The following ATP6V0A4 variants were observed in gnomAD, a reference collection of about 807,000 sequenced individuals.
ATP6V0A4 encodes the protein ATPase H+ transporting V0 subunit a4.
ATP6V0A4 carries 86 observed loss-of-function variants against 107.3 expected under a neutral mutation model. The ratio of observed to expected loss-of-function variants is 0.80; its 90% CI spans 0.67 to 0.96. The LOEUF (loss-of-function observed/expected upper bound fraction) is 0.96. Among genes scored for constraint, ATP6V0A4 ranks in the 40% least tolerant of loss-of-function variants. The pLI is 0.00. For missense variants in ATP6V0A4, 908 were observed against 1,045.6 expected (o/e 0.87, Z 1.81); for synonymous variants, 353 against 381.4 (o/e 0.93, Z 0.87).
At chr7:138,709,825 T>C (rs199999981) in intron 20 of ATP6V0A4, 30 bp from the exon 21 acceptor site, 11 of 1,611,184 alleles carry the variant, frequency 6.8e-6, no homozygotes, top group Non-Finnish European at 2.5e-6. Flanking sequence ...ACTGGGATTA[T>C]CTTGTAAATG....
Position 138,720,971 on chromosome 7 carries a change from A to G in ATP6V0A4, c.2139+926T>C, listed in dbSNP as rs1040056776. ...AAACTTTTTAAAATAAGCAATTAAC[A>G]CCACAAATGGAGCCATTTATAGCAT... On this transcript the variant is annotated intron_variant, in intron 19 of 21. Coordinates refer to ENST00000310018, the MANE Select transcript of ATP6V0A4 (RefSeq NM_020632.3). 7.2e-5 allele frequency among the ~76,000 whole-genome samples: 11 copies of G among 152,250 alleles called. No homozygotes were observed. In the South Asian group the frequency reaches 2.3e-3, roughly 32 times the overall value.
intron 1 of ATP6V0A4, among the ~76,000 whole-genome samples, chr7:138,788,196 C>A (rs574008736): frequency 6.6e-6 from 1 of 152,278 alleles, no homozygotes; most frequent in Admixed American, 6.5e-5. Flanking sequence ...TACAAACCTG[C>A]AGCTTATTTC....
At chr7:138,774,876 G>A (rs1406658970) in intron 2 of ATP6V0A4, among the ~76,000 whole-genome samples, 1 of 152,096 alleles carries the variant, frequency 6.6e-6, no homozygotes, top group African/African-American at 2.4e-5. Flanking sequence ...AGCTTCCGCT[G>A]TGGCCCAGGT....
chr7:138,727,266 A>G (rs1167513340), intron 18 of ATP6V0A4, among the ~76,000 whole-genome samples: 2 of 152,102 alleles, frequency 1.3e-5, no homozygotes, highest in African/African-American at 4.8e-5. Flanking sequence ...CTCTGGCCTC[A>G]GAGACAGAGA....
At chr7:138,766,253 AG>A (rs746379304) in intron 5 of ATP6V0A4, among the ~76,000 whole-genome samples, 374 of 148,534 alleles carry the variant, frequency 2.5e-3, no homozygotes, top group Non-Finnish European at 2.5e-3. Context: ...CCCACGCTGG[AG>A]TGCAGTAGTG....
At chr7:138,788,125 T>C (rs1250348777) in intron 1 of ATP6V0A4, among the ~76,000 whole-genome samples, 1 of 152,186 alleles carries the variant, frequency 6.6e-6, no homozygotes, top group East Asian at 1.9e-4. Flanking sequence ...GACTTGACTA[T>C]CTGGTTCGCT....
At position 138,777,631 on chromosome 7, in the gene ATP6V0A4, A is replaced by ATACACAC. The variant is rs1274092641; in HGVS notation, c.-17-6368_-17-6367insGTGTGTA. Among the ~76,000 whole-genome samples, 760 of 119,758 alleles carry ATACACAC rather than the reference A, an allele frequency of 6.3e-3. 11 individuals are homozygous for ATACACAC. The highest frequency in any genetic ancestry group is 0.025 in the African/African-American group (704 of 28,306). The allele number at this position is 119,758 out of a possible 152,430, so 78.6% of individuals were successfully genotyped here. A position where few individuals can be genotyped will look rare whatever the true frequency, so the allele number is the denominator to read the frequency against. On this transcript the variant is annotated intron_variant, in intron 2 of 21. Coordinates refer to ENST00000310018, the MANE Select transcript of ATP6V0A4 (RefSeq NM_020632.3). ...ACTCCGTCTCAAAAAAAAAAAAAAA[A>ATACACAC]ATACACACACACACACACACACACA...
At chr7:138,716,578 G>GC (rs887633879) in intron 19 of ATP6V0A4, among the ~76,000 whole-genome samples, 2 of 136,560 alleles carry the variant, frequency 1.5e-5, no homozygotes, top group African/African-American at 5.2e-5. Context: ...TTTTTTTTGG[G>GC]GGGGGGGGAG....
chr7:138,709,804 T>C lies in ATP6V0A4; in HGVS notation c.2258-9A>G. The stretch of plus-strand genomic sequence containing the variant: ...GAGCACTTCAGACAGTTCTGCAAGG[T>C]ACGAGAAACCACTGGGATTATCTTG... On this transcript the variant is annotated splice_polypyrimidine_tract_variant and intron_variant, in intron 20 of 21. Coordinates refer to ENST00000310018, the MANE Select transcript of ATP6V0A4 (RefSeq NM_020632.3). 2 of 1,613,616 alleles carry C rather than the reference T, an allele frequency of 1.2e-6. No individual in the cohort carries two copies. The highest frequency in any genetic ancestry group is 1.7e-6 in the Non-Finnish European group (2 of 1,179,672).
chr7:138,783,436 T>G (rs1808010543), intron 2 of ATP6V0A4, among the ~76,000 whole-genome samples: 1 of 152,034 alleles, frequency 6.6e-6, no homozygotes, highest in Non-Finnish European at 1.5e-5. Context: ...ATTAAAAATT[T>G]TAAAAATGAG....
chr7:138,733,927 C>T (rs1462382545), intron 16 of ATP6V0A4, among the ~76,000 whole-genome samples: 1 of 152,040 alleles, frequency 6.6e-6, no homozygotes, highest in Non-Finnish European at 1.5e-5. Context: ...GGAGCACTTA[C>T]CTTGGAGAGA....
chr7:138,776,120 G>A (rs571967092), intron 2 of ATP6V0A4, among the ~76,000 whole-genome samples: 1 of 152,270 alleles, frequency 6.6e-6, no homozygotes, highest in Non-Finnish European at 1.5e-5. Flanking sequence ...GCCAAGACTT[G>A]CATTTTTAAT....
chr7:138,768,745 C>A (rs1807216685), intron 5 of ATP6V0A4, 35 bp downstream of exon 5: 1 of 1,612,310 alleles, frequency 6.2e-7, no homozygotes, highest in East Asian at 2.2e-5. Context: ...CATGACTGTC[C>A]TTACCTGGGG....
At chr7:138,761,199 G>A (rs937031824) in intron 7 of ATP6V0A4, among the ~76,000 whole-genome samples, 2 of 152,036 alleles carry the variant, frequency 1.3e-5, no homozygotes, top group African/African-American at 4.8e-5. Flanking sequence ...AATTAGCCTG[G>A]CATTGTGCCT....
chr7:138,712,695 G>A (rs899519493), intron 20 of ATP6V0A4, among the ~76,000 whole-genome samples: 1 of 151,966 alleles, frequency 6.6e-6, no homozygotes, highest in African/African-American at 2.4e-5. Flanking sequence ...CCCAGTGGGT[G>A]AATCAGGGCA....
At chr7:138,761,470 C>T (rs1488749693) in intron 7 of ATP6V0A4, among the ~76,000 whole-genome samples, 1 of 151,784 alleles carries the variant, frequency 6.6e-6, no homozygotes, top group African/African-American at 2.4e-5. Flanking sequence ...CCGTCTCTAC[C>T]AAAAACACAA....
At position 138,761,519 on chromosome 7, in the gene ATP6V0A4, C is replaced by T. The variant is rs186505708; in HGVS notation, c.512+821G>A. ...GTGTGGTGGCAGACGCCTGTAGTCCCAGCTACTCGGCTGAGGCAGGAGAAT... is the reference window on the plus strand; with the variant it reads ...GTGTGGTGGCAGACGCCTGTAGTCCTAGCTACTCGGCTGAGGCAGGAGAAT... On this transcript the variant is annotated intron_variant, in intron 7 of 21. Transcript: ENST00000310018. Among the ~76,000 whole-genome samples the T allele has an allele frequency of 2.0e-5, 3 of 151,852 alleles. No homozygotes were observed. In the East Asian group the frequency reaches 5.9e-4, roughly 30 times the overall value.
chr7:138,777,148 C>CAAA (rs59929258), intron 2 of ATP6V0A4, among the ~76,000 whole-genome samples: 19 of 147,968 alleles, frequency 1.3e-4, no homozygotes, highest in African/African-American at 4.7e-4. Flanking sequence ...GACTCCGTCT[C>CAAA]AAAAAAAAAA....
intron 1 of ATP6V0A4, among the ~76,000 whole-genome samples, chr7:138,788,612 G>A (rs905543301): frequency 6.6e-6 from 1 of 152,136 alleles, no homozygotes; most frequent in African/African-American, 2.4e-5. Flanking sequence ...TTTCCTTATA[G>A]GAAAGTCATA....
Sources: gnomAD v4.1 joint callset for allele counts (sites outside exome capture counted in the v4.1 genomes callset) on GRCh38, gnomAD v4.1.1 for gene constraint, MANE v1.5 for transcripts, NCBI Gene and HGNC (gene_info 2026-07-23, HGNC 2026-07-21) for gene names.